The following FHAD1 variants were observed in gnomAD, a reference collection of about 807,000 sequenced individuals.
FHAD1 encodes the protein forkhead-associated domain-containing protein 1.
FHAD1 carries 146 observed loss-of-function variants against 191.3 expected under a neutral mutation model. The ratio of observed to expected loss-of-function variants is 0.76; its 90% confidence interval spans 0.67 to 0.88. The LOEUF is 0.88. Among genes scored for constraint, FHAD1 ranks in the 40% least tolerant of loss-of-function variants. FHAD1 has a pLI of 0.00. For missense variants in FHAD1, 1,635 were observed against 1,785.8 expected (o/e 0.92, Z 1.52); for synonymous variants, 616 against 672.3 (o/e 0.92, Z 1.29).
At chr1:15,370,324 A>G (rs2102823558) in intron 26 of FHAD1, among the ~76,000 whole-genome samples, 1 of 152,302 alleles carries the variant, frequency 6.6e-6, no homozygotes, top group East Asian at 1.9e-4. Context: ...ATGGTATCAA[A>G]CCATGTACAT....
At chr1:15,351,857 G>A (rs1691012284) in intron 19 of FHAD1, among the ~76,000 whole-genome samples, 1 of 151,598 alleles carries the variant, frequency 6.6e-6, no homozygotes, top group South Asian at 2.1e-4. Context: ...GATGTGCAGA[G>A]GCGGGTAGGG....
At chr1:15,346,228 A>G (rs1429055399) in intron 18 of FHAD1, among the ~76,000 whole-genome samples, 1 of 152,174 alleles carries the variant, frequency 6.6e-6, no homozygotes, top group African/African-American at 2.4e-5. Context: ...TCCAGAAGTC[A>G]CAGACTGGTA....
intron 1 of FHAD1, among the ~76,000 whole-genome samples, chr1:15,240,267 G>A (rs1473659062): frequency 2.0e-5 from 3 of 152,180 alleles, no homozygotes; most frequent in African/African-American, 2.4e-5. Flanking sequence ...CTAATACCCA[G>A]CAAGGAGCTG....
intron 2 of FHAD1, among the ~76,000 whole-genome samples, chr1:15,254,214 C>T (rs991831201): frequency 6.6e-6 from 1 of 152,128 alleles, no homozygotes; most frequent in Non-Finnish European, 1.5e-5. Flanking sequence ...AAACAGTGAT[C>T]TCTGTTTTGA....
At chr1:15,279,735 G>A (rs1431226390) in intron 3 of FHAD1, among the ~76,000 whole-genome samples, 3 of 151,962 alleles carry the variant, frequency 2.0e-5, no homozygotes, top group Admixed American at 6.5e-5. Context: ...GACTATCCCC[G>A]AACCAATCAG....
chr1:15,364,431 G>A (rs1462571754), intron 23 of FHAD1: 1 of 152,198 alleles, frequency 6.6e-6, no homozygotes. Context: ...CCAACATGGT[G>A]AAACCCCGTC....
chr1:15,333,723 G>A (rs1301829634), intron 14 of FHAD1, among the ~76,000 whole-genome samples: 2 of 151,780 alleles, frequency 1.3e-5, no homozygotes, highest in Admixed American at 1.3e-4. Context: ...AGCTCCTCCT[G>A]GGGATTTAGC....
Position 15,327,157 on chromosome 1 carries a change from C to A in FHAD1, c.1557+15C>A. On this transcript the variant is annotated intron_variant, in intron 12 of 33. Coordinates refer to ENST00000688493, the MANE Select transcript of FHAD1 (RefSeq NM_001391957.1). This position sits in a 1 kb window ranked among gnomAD's most constrained non-coding sequence, Gnocchi z 5.1. ...CCGACCAACAGGTTAGTCTGCCGTC[C>A]CTGCCACGTGGCTCCTTCACTTTCC... 6.5e-7 allele frequency: 1 copy of A among 1,532,838 alleles called. No individual in the cohort carries two copies. The highest frequency in any genetic ancestry group is 8.8e-7 in the Non-Finnish European group (1 of 1,130,478). 95.0% of individuals were successfully genotyped at this position (1,532,838 alleles called of 1,614,324 possible).
chr1:15,285,229 A>T (rs1573972907), intron 3 of FHAD1, among the ~76,000 whole-genome samples: 1 of 152,322 alleles, frequency 6.6e-6, no homozygotes, highest in East Asian at 1.9e-4. Context: ...CTAAATCAAC[A>T]TGCTTTCAAA....
At chr1:15,249,394 TTAC>T (rs1646499357) in intron 1 of FHAD1, among the ~76,000 whole-genome samples, 1 of 152,190 alleles carries the variant, frequency 6.6e-6, no homozygotes, top group Non-Finnish European at 1.5e-5. Flanking sequence ...TGACTTTAGA[TTAC>T]TTTTACTTTA....
At chr1:15,280,638 A>G (rs999909706) in intron 3 of FHAD1, among the ~76,000 whole-genome samples, 1 of 152,112 alleles carries the variant, frequency 6.6e-6, no homozygotes, top group African/African-American at 2.4e-5. Flanking sequence ...CACTCTTCCC[A>G]AACTGCAGCC....
chr1:15,296,902 A>G (rs1667172939), intron 5 of FHAD1, 109 bp downstream of exon 5: 4 of 780,628 alleles, frequency 5.1e-6, no homozygotes, highest in Non-Finnish European at 8.1e-6. Context: ...CCTGCTTCCA[A>G]GAAACCACCT....
rs543627534 is a variant in FHAD1, at chr1:15,281,961, A to G, written c.301-7438A>G. Among the ~76,000 whole-genome samples the G allele has an allele frequency of 1.9e-4, 29 of 152,090 alleles. 1 individual carries two copies. The highest frequency in any genetic ancestry group is 8.3e-4 in the South Asian group (4 of 4,818). Reference sequence around the variant, plus strand: ...CTGTCTTTATTTGATTCTCTGTGCTATAATCCACCTGATGTTATTTATTTT... The same window carrying G: ...CTGTCTTTATTTGATTCTCTGTGCTGTAATCCACCTGATGTTATTTATTTT... On this transcript the variant is annotated intron_variant, in intron 3 of 33. Transcript: ENST00000688493.
chr1:15,288,683 A>G (rs1458043086), intron 3 of FHAD1, among the ~76,000 whole-genome samples: 4 of 152,374 alleles, frequency 2.6e-5, no homozygotes, highest in South Asian at 4.1e-4. Context: ...GTGGTAAGGT[A>G]GATGAAAAGT....
At chr1:15,242,391 T>G (rs1275511819), upstream of FHAD1, among the ~76,000 whole-genome samples, 1 of 152,216 alleles carries the variant, frequency 6.6e-6, no homozygotes, top group Non-Finnish European at 1.5e-5. Flanking sequence ...TGAGTTGGGC[T>G]AAGAACTAAA....
intron 29 of FHAD1, 112 bp downstream of exon 29, chr1:15,380,908 T>A: frequency 1.3e-6 from 1 of 775,404 alleles, no homozygotes; most frequent in Non-Finnish European, 2.1e-6. Flanking sequence ...TTAGTTACTC[T>A]AATAACTCTG....
In FHAD1 at chr1:15,327,116, C is replaced by G. The variant is rs1487960230; in HGVS notation, c.1531C>G (p.Arg511Gly). The stretch of plus-strand genomic sequence containing the variant: ...CACCTATGGACGGGCGAAGCCGTTC[C>G]GGGACAAGCCCGTCACCGACCAACA... ...KATYGRAKPF[R>G]DKPVTDQQLI... The change falls in exon 12 of 34, where the codon CGG (arginine) becomes GGG (glycine). Residue 511 changes from arginine to glycine, a missense_variant. By Grantham distance (125) the Arg-to-Gly change is moderately radical (BLOSUM62 -2). Coordinates refer to ENST00000688493, the MANE Select transcript of FHAD1 (RefSeq NM_001391957.1). This position sits in a 1 kb window ranked among gnomAD's most constrained non-coding sequence, Gnocchi z 5.1. 2.6e-6 allele frequency: 4 copies of G among 1,551,226 alleles called. No homozygotes were observed. The highest frequency in any genetic ancestry group is 2.7e-5 in the African/African-American group (2 of 73,026).
chr1:15,383,358 GC>G (rs1701358637), intron 31 of FHAD1: 10 of 419,096 alleles, frequency 2.4e-5, no homozygotes, highest in South Asian at 1.8e-4. Flanking sequence ...TCCCCATGCT[GC>G]CCATGACCCA....
rs1434883785 is a variant in FHAD1, at chr1:15,345,137, G to A, written c.2185G>A (p.Glu729Lys). 4 of 1,551,710 alleles carry A rather than the reference G, an allele frequency of 2.6e-6. No homozygotes were observed. In the African/African-American group the frequency reaches 5.5e-5, roughly 21 times the overall value. ...ERNRAKETLE[E>K]ERKRMQELES... ...AAACAGAGCGAAAGAGACTTTAGAG[G>A]AAGAACGGAAGAGAATGCAAGAACT... is the stretch of plus-strand genomic sequence containing the variant. The change falls in exon 17 of 34, where the codon GAA becomes AAA. Residue 729 changes from glutamate to lysine, a missense_variant. By Grantham distance (56) the Glu-to-Lys change is moderately conservative (BLOSUM62 1). Coordinates refer to ENST00000688493, the MANE Select transcript of FHAD1 (RefSeq NM_001391957.1).
Sources: gnomAD v4.1 joint callset for allele counts (sites outside exome capture counted in the v4.1 genomes callset) on GRCh38, gnomAD v4.1.1 for gene constraint, Gnocchi (gnomAD v3.1) non-coding constraint, MANE v1.5 for transcripts, NCBI Gene and HGNC (gene_info 2026-07-23, HGNC 2026-07-21) for gene names.